The following HTRA3 variants were observed in gnomAD, a reference collection of about 807,000 sequenced individuals.
HTRA3 encodes HtrA serine peptidase 3.
HTRA3 carries 41 observed loss-of-function variants against 43.2 expected under a neutral mutation model. That is an observed-to-expected ratio of 0.95 (90% CI 0.74 to 1.23). HTRA3 has a LOEUF of 1.23. Among genes scored for constraint, HTRA3 ranks in the 50% most tolerant of loss-of-function variants. The probability of loss-of-function intolerance (pLI) is 0.00; values close to 1 mark genes in which losing one functional copy is unlikely to be tolerated. For missense variants in HTRA3, 628 were observed against 647.1 expected, an observed-to-expected ratio of 0.97 and a Z score of 0.32; for synonymous variants, 295 against 287.9, an observed-to-expected ratio of 1.02 and a Z score of -0.25.
chr4:8,286,840 TC>T lies in HTRA3; in HGVS notation c.708+60del. On this transcript the variant is annotated intron_variant, in intron 3 of 8. Coordinates refer to ENST00000307358, the MANE Select transcript of HTRA3 (RefSeq NM_053044.5). This position sits in a 1 kb window ranked among gnomAD's most constrained non-coding sequence, Gnocchi z 4.9. The stretch of plus-strand genomic sequence containing the variant: ...CCTGGGGCTGGGCATGGTGGCCTCT[TC>T]CCAGACGCCGGAACCCAGAGGCAAG... 1 of 1,372,884 alleles carries T rather than the reference TC, an allele frequency of 7.3e-7. No individual in the cohort carries two copies. Among genetic ancestry groups the T allele is most frequent in the Non-Finnish European group, 1.0e-6 (1 of 986,212 alleles). 85.0% of individuals were successfully genotyped at this position (1,372,884 alleles called of 1,614,324 possible).
intron 6 of HTRA3, among the ~76,000 whole-genome samples, chr4:8,300,930 GTCA>G (rs1713617693): frequency 7.0e-6 from 1 of 143,386 alleles, no homozygotes; most frequent in African/African-American, 2.7e-5. Context: ...TATTGATCCA[GTCA>G]TCTTTATTAT....
Position 8,302,471 on chromosome 4 carries a change from A to G in HTRA3, c.1060A>G (p.Lys354Glu), listed in dbSNP as rs781663493. Residue 354 changes from lysine (K) to glutamate (E), a missense_variant, in exon 7 of 9, where the codon AAG becomes GAG. Lys to Glu is a moderately conservative substitution (Grantham distance 56). Coordinates refer to ENST00000307358, the MANE Select transcript of HTRA3 (RefSeq NM_053044.5). Reference protein sequence around the residue: ...FQDKQIKDWKKRFIGIRMRTI... With the variant: ...FQDKQIKDWKERFIGIRMRTI... ...CCGTGTTTCATTTCCAGACTGGAAG[A>G]AGCGCTTCATCGGCATACGGATGCG... The G allele has an allele frequency of 1.2e-6, 2 of 1,614,010 alleles. No individual in the cohort carries two copies. Among genetic ancestry groups the G allele is most frequent in the African/African-American group, 1.3e-5 (1 of 74,980 alleles).
In HTRA3 at chr4:8,296,683, G is replaced by C. The variant is rs1315782077; in HGVS notation, c.1051+2482G>C. Among the ~76,000 whole-genome samples the C allele has an allele frequency of 6.6e-6, 1 of 152,200 alleles. No homozygotes were observed. The highest frequency in any genetic ancestry group is 1.9e-4 in the East Asian group (1 of 5,168). ...GGACCAGAGAGTAGCCCCACATGGG[G>C]TGGTGTGGGGTGTTTGATTCATGGA... On this transcript the variant is annotated intron_variant, in intron 6 of 8. Coordinates refer to ENST00000307358, the MANE Select transcript of HTRA3 (RefSeq NM_053044.5). The surrounding 1 kb of genome is among the most constrained non-coding windows in gnomAD (Gnocchi z 5.3).
chr4:8,287,534 C>T (rs1713041201), intron 3 of HTRA3, among the ~76,000 whole-genome samples: 1 of 151,854 alleles, frequency 6.6e-6, no homozygotes, highest in African/African-American at 2.4e-5. Flanking sequence ...GGGACATCTT[C>T]TCATGGCAGA....
At chr4:8,302,373 G>A (rs961953048) in intron 6 of HTRA3, 90 bp from the exon 7 acceptor site, 31 of 1,225,220 alleles carry the variant, frequency 2.5e-5, no homozygotes, top group Non-Finnish European at 3.6e-5. Flanking sequence ...TGGTCCTGCA[G>A]GGGAACTTCT....
At position 8,276,797 on chromosome 4, in the gene HTRA3, T is replaced by A. The variant is rs576653787; in HGVS notation, c.386-5640T>A. 5.9e-5 allele frequency among the ~76,000 whole-genome samples: 9 copies of A among 152,318 alleles called. No homozygotes were observed. The South Asian group carries it at 1.9e-3, about 32-fold the overall frequency. The stretch of plus-strand genomic sequence containing the variant: ...CTGGGGCTGGACAGGTTGTCACATT[T>A]GCCAAGGGCCAGCACGGAGCAGGGG... On this transcript the variant is annotated intron_variant, in intron 1 of 8. Transcript: ENST00000307358.
intron 2 of HTRA3, among the ~76,000 whole-genome samples, chr4:8,283,403 TC>T (rs2153004873): frequency 6.6e-6 from 1 of 152,178 alleles, no homozygotes; most frequent in East Asian, 1.9e-4. Context: ...CTCTCCTACT[TC>T]CCCCATCACA....
intron 3 of HTRA3, among the ~76,000 whole-genome samples, chr4:8,288,899 G>T (rs10028898): frequency 0.49 from 48,937 of 100,896 alleles, 11,389 homozygotes; most frequent in African/African-American, 0.64. Flanking sequence ...CCTTCCGTCC[G>T]TCCTTCCTTC....
chr4:8,301,567 TC>T (rs1288908235), intron 6 of HTRA3, among the ~76,000 whole-genome samples: 12 of 152,202 alleles, frequency 7.9e-5, no homozygotes, highest in Non-Finnish European at 5.9e-5. Flanking sequence ...TTATTTTTTT[TC>T]TTCTGGTTAT....
rs901742090 is a variant in HTRA3, at chr4:8,295,545, T to A, written c.1051+1344T>A. 11 of 490,874 alleles carry A rather than the reference T, an allele frequency of 2.2e-5. No individual in the cohort carries two copies. Among genetic ancestry groups the A allele is most frequent in the Non-Finnish European group, 3.6e-5 (11 of 304,004 alleles). The allele number at this position is 490,874 out of a possible 1,614,324, so 30.4% of individuals were successfully genotyped here. On this transcript the variant is annotated intron_variant, in intron 6 of 8. Transcript: ENST00000307358. This position sits in a 1 kb window ranked among gnomAD's most constrained non-coding sequence, Gnocchi z 6.9. ...GGGCCATGCTTCCAATCGCAGGGCC[T>A]TTCCTGGGGGCCTCTCCCTCCCCAC... is the stretch of plus-strand genomic sequence containing the variant.
At position 8,282,420 on chromosome 4, in the gene HTRA3, C is replaced by A; in HGVS notation, c.386-17C>A. 1 of 1,602,422 alleles carries A rather than the reference C, an allele frequency of 6.2e-7. No homozygotes were observed. The highest frequency in any genetic ancestry group is 1.1e-5 in the South Asian group (1 of 89,982). The stretch of plus-strand genomic sequence containing the variant: ...TCGTGATCTCACTGATGCACCTGGC[C>A]CTTCCCGCCAGCGCAGGTCTCCACC... On this transcript the variant is annotated splice_polypyrimidine_tract_variant and intron_variant, in intron 1 of 8. Transcript: ENST00000307358.
In HTRA3 at chr4:8,297,926, TTA is replaced by T. The variant is rs1713511026; in HGVS notation, c.1051+3727_1051+3728del. 6.6e-6 allele frequency among the ~76,000 whole-genome samples: 1 copy of T among 152,142 alleles called. No individual in the cohort carries two copies. The highest frequency in any genetic ancestry group is 1.5e-5 in the Non-Finnish European group (1 of 68,012). On this transcript the variant is annotated intron_variant, in intron 6 of 8. Coordinates refer to ENST00000307358, the MANE Select transcript of HTRA3 (RefSeq NM_053044.5). The surrounding 1 kb of genome is among the most constrained non-coding windows in gnomAD (Gnocchi z 5.8). ...AGCCCCACCTGCCGTCCCCACTGAG[TTA>T]TGTCAGCCTTGTCCCTCTGTCCCTC...
chr4:8,294,348 A>AGT, intron 6 of HTRA3, 147 bp downstream of exon 6: 1 of 578,906 alleles, frequency 1.7e-6, no homozygotes, highest in Non-Finnish European at 3.0e-6. Context: ...TGCCCACCCC[A>AGT]AAGCTGTGAG....
At position 8,306,333 on chromosome 4, in the gene HTRA3, T is replaced by A. The variant is rs1713849380; in HGVS notation, c.*197T>A. ...GGGGAGTGTTGGATCCACATCCCGG[T>A]GCCGGGGAGGGAAGCCCAACATCCC... is the stretch of plus-strand genomic sequence containing the variant. On this transcript the variant is annotated 3_prime_UTR_variant, in exon 9 of 9. Coordinates refer to ENST00000307358, the MANE Select transcript of HTRA3 (RefSeq NM_053044.5). The surrounding 1 kb of genome is among the most constrained non-coding windows in gnomAD (Gnocchi z 8.9). 1.8e-6 allele frequency: 1 copy of A among 565,778 alleles called. No homozygotes were observed. The highest frequency in any genetic ancestry group is 3.1e-6 in the Non-Finnish European group (1 of 327,538). The allele number at this position is 565,778 out of a possible 1,614,324, so 35.0% of individuals were successfully genotyped here.
At chr4:8,292,831 C>A (rs2153006195) in intron 5 of HTRA3, among the ~76,000 whole-genome samples, 1 of 152,286 alleles carries the variant, frequency 6.6e-6, no homozygotes, top group Admixed American at 6.5e-5. Context: ...ACGGTCCCAC[C>A]CCTGAAGCTC....
intron 8 of HTRA3, among the ~76,000 whole-genome samples, chr4:8,305,757 T>G (rs1345173581): frequency 6.6e-6 from 1 of 152,154 alleles, no homozygotes; most frequent in African/African-American, 2.4e-5. Context: ...TTCTGACGCA[T>G]GGGAGAAGCA....
rs1712998420 is a variant in HTRA3, at chr4:8,286,777, T to C, written c.702T>C (p.His234=). The C allele has an allele frequency of 1.2e-6, 2 of 1,611,550 alleles. No individual in the cohort carries two copies. Among genetic ancestry groups the C allele is most frequent in the Non-Finnish European group, 1.7e-6 (2 of 1,178,008 alleles). ...KKSDIATIKI[H]PKKKLPVLLL... ...CGGACATTGCCACCATCAAGATCCA[T>C]CCCAAGGTGGGTGGGCGTGGGTGGA... Residue 234 remains histidine, a synonymous_variant, in exon 3 of 9, where the codon CAT becomes CAC. Coordinates refer to ENST00000307358, the MANE Select transcript of HTRA3 (RefSeq NM_053044.5). This position sits in a 1 kb window ranked among gnomAD's most constrained non-coding sequence, Gnocchi z 4.9.
rs1329777883 is a variant in HTRA3 at position 8,286,998 on chromosome 4, G to A, written c.708+215G>A. Reference sequence around the variant, plus strand: ...CTCCTTGTCCTGCGCTCCCTGAGCCGCTAGGTGCAGGGCAGAGCCAGGAAG... The same window carrying A: ...CTCCTTGTCCTGCGCTCCCTGAGCCACTAGGTGCAGGGCAGAGCCAGGAAG... On this transcript the variant is annotated intron_variant, in intron 3 of 8. Coordinates refer to ENST00000307358, the MANE Select transcript of HTRA3 (RefSeq NM_053044.5). This position sits in a 1 kb window ranked among gnomAD's most constrained non-coding sequence, Gnocchi z 4.9. Among the ~76,000 whole-genome samples the A allele has an allele frequency of 1.3e-5, 2 of 152,156 alleles. No individual in the cohort carries two copies. The highest frequency in any genetic ancestry group is 1.9e-4 in the East Asian group (1 of 5,198).
At chr4:8,285,760 A>T (rs7667093) in intron 2 of HTRA3, among the ~76,000 whole-genome samples, 92,508 of 152,148 alleles carry the variant, frequency 0.61, 28,702 homozygotes, top group East Asian at 0.82. Flanking sequence ...CCAGCTCCAC[A>T]CCGTTCACAG....
Sources: allele counts gnomAD v4.1 joint callset (sites outside exome capture counted in the v4.1 genomes callset), GRCh38; gene constraint gnomAD v4.1.1; non-coding constraint Gnocchi (gnomAD v3.1); transcripts MANE v1.5; gene names NCBI Gene and HGNC (gene_info 2026-07-23, HGNC 2026-07-21).